The following PIKFYVE variants were observed in gnomAD, a reference collection of about 807,000 sequenced individuals.
PIKFYVE encodes the protein 1-phosphatidylinositol 3-phosphate 5-kinase.
PIKFYVE carries 122 observed loss-of-function variants against 257.9 expected under a neutral mutation model. The ratio of observed to expected loss-of-function variants is 0.47; its 90% CI spans 0.41 to 0.55. The LOEUF (loss-of-function observed/expected upper bound fraction) is 0.55, where lower values mean the gene tolerates loss of function less well. Ranked by LOEUF, PIKFYVE falls within the 20% of genes least tolerant of loss-of-function variation. The probability of loss-of-function intolerance (pLI) is 0.00; values close to 1 mark genes in which losing one functional copy is unlikely to be tolerated. For synonymous variants in PIKFYVE, 892 were observed against 868.9 expected (o/e 1.03, Z -0.47); for missense variants, 2,160 against 2,536.6 (o/e 0.85, Z 3.19).
rs568578832 is a variant in PIKFYVE, at chr2:208,341,078, G to A, written c.4931+947G>A. On this transcript the variant is annotated intron_variant, in intron 31 of 41. Transcript: ENST00000264380. ...GCTGGAATGTAGTGGTGTGATCTTG[G>A]CTCATTGCAACCTCTGCCTCCTAGA... 1.1e-4 allele frequency among the ~76,000 whole-genome samples: 16 copies of A among 151,966 alleles called. No individual in the cohort carries two copies. In the South Asian group the frequency reaches 3.3e-3, roughly 32 times the overall value.
chr2:208,277,412 G>A (rs1269157869), intron 4 of PIKFYVE, 125 bp from the exon 5 acceptor site: 46 of 1,002,742 alleles, frequency 4.6e-5, no homozygotes, highest in Non-Finnish European at 6.4e-5. Context: ...TTGACCTTTC[G>A]TATTCCCATA....
At position 208,328,286 on chromosome 2, in the gene PIKFYVE, A is replaced by T; in HGVS notation, c.3719+6A>T. On this transcript the variant is annotated splice_donor_region_variant and intron_variant, in intron 21 of 41. Coordinates refer to ENST00000264380, the MANE Select transcript of PIKFYVE (RefSeq NM_015040.4). ...AGTGCCTGTGTCAGTCCTTGGTAGG[A>T]TTCTTTTCCCCCTACACTATTCCAC... 1.9e-6 allele frequency: 3 copies of T among 1,613,656 alleles called. No homozygotes were observed.
rs752367977 is a variant in PIKFYVE at position 208,276,791 on chromosome 2, A to G, written c.402A>G (p.Val134=). ...TAVQLRSLST[V]LKRLKEIMEG... ...TTCAGCTTCGAAGCCTCAGCACAGT[A>G]TTAAAACGCCTCAAGGAAATCATGG... The change falls in exon 4 of 42, where the codon GTA becomes GTG. Residue 134 remains valine (V), a synonymous_variant. Transcript: ENST00000264380. The G allele has an allele frequency of 2.5e-6, 4 of 1,613,554 alleles. No homozygotes were observed. The highest frequency in any genetic ancestry group is 2.2e-5 in the East Asian group (1 of 44,876).
intron 5 of PIKFYVE, among the ~76,000 whole-genome samples, chr2:208,285,066 ATTTTG>A (rs61631249): frequency 1 from 151,085 of 151,840 alleles, 75,170 homozygotes; most frequent in Middle Eastern, 1. Context: ...TGGGATATAC[ATTTTG>A]TTTTGTTTTG....
chr2:208,298,693 C>G lies in PIKFYVE; in HGVS notation c.964C>G (p.Pro322Ala), dbSNP rs138277830. The G allele has an allele frequency of 6.2e-7, 1 of 1,613,768 alleles. No homozygotes were observed. The highest frequency in any genetic ancestry group is 1.7e-5 in the Admixed American group (1 of 60,008). Reference protein sequence around the residue: ...SLDRSGSPMVPSYETSVSPQA... With the variant: ...SLDRSGSPMVASYETSVSPQA... ...GGATAGATCTGGTTCTCCTATGGTACCTTCATATGAGACATCTGTCAGTCC... is the reference window on the plus strand; with the variant it reads ...GGATAGATCTGGTTCTCCTATGGTAGCTTCATATGAGACATCTGTCAGTCC... The change falls in exon 8 of 42, where the codon CCT becomes GCT. Residue 322 changes from proline (P) to alanine (A), a missense_variant. Around this residue, in one of 12 missense-constraint regions of PIKFYVE, gnomAD observed 187 missense variants for 185.6 expected, o/e 1.01. Coordinates refer to ENST00000264380, the MANE Select transcript of PIKFYVE (RefSeq NM_015040.4).
intron 7 of PIKFYVE, among the ~76,000 whole-genome samples, chr2:208,292,028 G>C (rs941138370): frequency 6.6e-6 from 1 of 151,946 alleles, no homozygotes; most frequent in South Asian, 2.1e-4. Flanking sequence ...ATTTAAAAAT[G>C]TTTCTTTATA....
intron 1 of PIKFYVE, 66 bp from the exon 2 acceptor site, chr2:208,271,445 T>C (rs1689408114): frequency 7.0e-7 from 1 of 1,438,832 alleles, no homozygotes; most frequent in Non-Finnish European, 9.8e-7. Context: ...ATTTCGATGC[T>C]GTTTGGAATC....
Position 208,325,056 on chromosome 2 carries a change from A to T in PIKFYVE, c.2458+19A>T. The T allele has an allele frequency of 6.2e-7, 1 of 1,614,032 alleles. No homozygotes were observed. Among genetic ancestry groups the T allele is most frequent in the Non-Finnish European group, 8.5e-7 (1 of 1,179,898 alleles). On this transcript the variant is annotated intron_variant, in intron 19 of 41. Coordinates refer to ENST00000264380, the MANE Select transcript of PIKFYVE (RefSeq NM_015040.4). ...CCTAATGGTGAGTGATCTTTAGCAT[A>T]GATTGACCTGAGGAAAAGAGTTAAC...
intron 5 of PIKFYVE, among the ~76,000 whole-genome samples, chr2:208,283,703 C>T (rs931641295): frequency 6.6e-6 from 1 of 152,160 alleles, no homozygotes; most frequent in Admixed American, 6.5e-5. Context: ...ACCTCTCCGC[C>T]TCCCAAGTAG....
intron 20 of PIKFYVE, among the ~76,000 whole-genome samples, chr2:208,326,724 A>G (rs560004116): frequency 2.0e-5 from 3 of 152,304 alleles, no homozygotes; most frequent in South Asian, 4.1e-4. Flanking sequence ...TGACAACATG[A>G]CTTGGATGTG....
At chr2:208,321,703 G>A (rs773205557) in intron 17 of PIKFYVE, among the ~76,000 whole-genome samples, 2 of 151,478 alleles carry the variant, frequency 1.3e-5, no homozygotes, top group African/African-American at 2.4e-5. Context: ...TCAGCCTCTC[G>A]AGTAGCTGGG....
intron 31 of PIKFYVE, among the ~76,000 whole-genome samples, chr2:208,340,406 T>C (rs1244090256): frequency 6.6e-6 from 1 of 152,242 alleles, no homozygotes; most frequent in Admixed American, 6.5e-5. Flanking sequence ...TTTTCAAAGA[T>C]ATGTGGCTAT....
In PIKFYVE at chr2:208,300,895, A is replaced by G. The variant is rs16840877; in HGVS notation, c.1051-42A>G. 7.3e-3 allele frequency: 11,805 copies of G among 1,612,172 alleles called. 646 individuals are homozygous for G. The African/African-American group carries it at 0.13, about 18-fold the overall frequency. On this transcript the variant is annotated intron_variant, in intron 8 of 41. Coordinates refer to ENST00000264380, the MANE Select transcript of PIKFYVE (RefSeq NM_015040.4). Reference sequence around the variant, plus strand: ...GAAAACATCTGAAAAGGTATATAGCATTTTTCTCAAGGGTAACTACTTGCT... The same window carrying G: ...GAAAACATCTGAAAAGGTATATAGCGTTTTTCTCAAGGGTAACTACTTGCT...
intron 19 of PIKFYVE, 32 bp from the exon 20 acceptor site, chr2:208,325,238 C>T (rs760756283): frequency 1.2e-6 from 2 of 1,603,640 alleles, no homozygotes; most frequent in East Asian, 2.2e-5. Flanking sequence ...CCACCTCCAC[C>T]ATCTTAACTT....
intron 38 of PIKFYVE, among the ~76,000 whole-genome samples, chr2:208,352,341 T>C (rs1349410884): frequency 6.6e-6 from 1 of 151,840 alleles, no homozygotes; most frequent in Non-Finnish European, 1.5e-5. Flanking sequence ...AAGAGTTACA[T>C]AGTTTTGGGT....
At chr2:208,347,773 A>G in intron 34 of PIKFYVE, 86 bp from the exon 35 acceptor site, 1 of 1,189,998 alleles carries the variant, frequency 8.4e-7, no homozygotes, top group Admixed American at 2.0e-5. Flanking sequence ...TAGTGGTTAC[A>G]ACTAACAAAG....
At position 208,356,963 on chromosome 2, in the gene PIKFYVE, T is replaced by G. The variant is rs1334100463; in HGVS notation, c.*1658T>G. 1 of 152,628 alleles carries G rather than the reference T, an allele frequency of 6.6e-6. No individual in the cohort carries two copies. Among genetic ancestry groups the G allele is most frequent in the Non-Finnish European group, 1.5e-5 (1 of 68,044 alleles). The allele number at this position is 152,628 out of a possible 1,614,324, so 9.5% of individuals were successfully genotyped here. A position where few individuals can be genotyped will look rare whatever the true frequency, so the allele number is the denominator to read the frequency against. Reference sequence around the variant, plus strand: ...TGAATTAGGAACATTGTGGAAAATTTGCTTTAGAGAATCAAGGCAGTAGTT... The same window carrying G: ...TGAATTAGGAACATTGTGGAAAATTGGCTTTAGAGAATCAAGGCAGTAGTT... On this transcript the variant is annotated 3_prime_UTR_variant, in exon 42 of 42. Coordinates refer to ENST00000264380, the MANE Select transcript of PIKFYVE (RefSeq NM_015040.4).
intron 6 of PIKFYVE, among the ~76,000 whole-genome samples, chr2:208,287,661 C>T (rs867777068): frequency 2.0e-5 from 3 of 151,996 alleles, no homozygotes; most frequent in Non-Finnish European, 4.4e-5. Flanking sequence ...AGTGCAGTGG[C>T]GTGATCTTGA....
chr2:208,317,561 T>C (rs1695687161), intron 15 of PIKFYVE, among the ~76,000 whole-genome samples: 1 of 152,176 alleles, frequency 6.6e-6, no homozygotes, highest in Non-Finnish European at 1.5e-5. Flanking sequence ...GAGTCCTGTG[T>C]GTGCTTTTTC....
Sources: gnomAD v4.1 joint callset for allele counts (sites outside exome capture counted in the v4.1 genomes callset) on GRCh38, gnomAD v4.1.1 for gene constraint, gnomAD v4.1.1 regional missense constraint, MANE v1.5 for transcripts, NCBI Gene and HGNC (gene_info 2026-07-23, HGNC 2026-07-21) for gene names.